Variants in ALPL observed in about 807,000 individuals in gnomAD.
The protein encoded by ALPL is alkaline phosphatase, tissue-nonspecific isozyme.
ALPL carries 42 observed loss-of-function variants against 51.3 expected under a neutral mutation model. That is an observed-to-expected ratio of 0.82 (90% CI 0.64 to 1.06). The LOEUF is 1.06. ALPL is among the 50% of genes least tolerant of loss of function. The pLI is 0.00. For synonymous variants in ALPL, 279 were observed against 296.4 expected (o/e 0.94, Z 0.60); for missense variants, 589 against 709.4 (o/e 0.83, Z 1.93).
At chr1:21,509,408 G>C (rs1241800305), upstream of ALPL, 2 of 151,454 alleles carry the variant, frequency 1.3e-5, no homozygotes, top group Admixed American at 1.3e-4. This position sits in a 1 kb window ranked among gnomAD's most constrained non-coding sequence, Gnocchi z 6.0. Flanking sequence ...TAAGGCGGCG[G>C]GGGTGGTGGC....
In ALPL at chr1:21,577,144, A is replaced by C. The variant is rs74343859; in HGVS notation, c.1310-239A>C. ...CCCGTCAACTCTCCCTGCTAATCCA[A>C]GCAGCCCAAATGAGGTTAATTTTCT... On this transcript the variant is annotated intron_variant, in intron 11 of 11. Coordinates refer to ENST00000374840, the MANE Select transcript of ALPL (RefSeq NM_000478.6). Among the ~76,000 whole-genome samples, 957 of 152,320 alleles carry C rather than the reference A, an allele frequency of 6.3e-3. 8 individuals carry two copies. Among genetic ancestry groups the C allele is most frequent in the African/African-American group, 0.022 (916 of 41,574 alleles).
rs538747858 is a variant in ALPL at position 21,525,005 on chromosome 1, G to A, written c.-105+15488G>A. On this transcript the variant is annotated intron_variant, in intron 1 of 11. Transcript: ENST00000374840. The stretch of plus-strand genomic sequence containing the variant: ...GGCCTCACTCCAGGGCTCTGGCCTC[G>A]AGCCTGACCCTCCTGAGTTTCTATC... Among the ~76,000 whole-genome samples, 16 of 152,340 alleles carry A rather than the reference G, an allele frequency of 1.1e-4. 1 individual carries two copies. The South Asian group carries it at 2.7e-3, about 26-fold the overall frequency.
rs575869039 is a variant in ALPL, at chr1:21,530,660, C to T, written c.-105+21143C>T. ...GGGGCTATATGCCTAGGTCAGAATT[C>T]TTCAGACTGGGGTCTGGAAAGGAAG... On this transcript the variant is annotated intron_variant, in intron 1 of 11. Coordinates refer to ENST00000374840, the MANE Select transcript of ALPL (RefSeq NM_000478.6). 2.0e-5 allele frequency among the ~76,000 whole-genome samples: 3 copies of T among 152,200 alleles called. No individual in the cohort carries two copies. In the South Asian group the frequency reaches 6.2e-4, roughly 32 times the overall value.
At chr1:21,570,570 G>A (rs1263202369) in intron 8 of ALPL, among the ~76,000 whole-genome samples, 196 bp downstream of exon 8, 1 of 152,222 alleles carries the variant, frequency 6.6e-6, no homozygotes, top group African/African-American at 2.4e-5. Flanking sequence ...TGGCTGTGCA[G>A]GGGGATTAGC....
At chr1:21,519,551 C>T (rs1003157966) in intron 1 of ALPL, among the ~76,000 whole-genome samples, 7 of 152,244 alleles carry the variant, frequency 4.6e-5, no homozygotes, top group African/African-American at 1.7e-4. Flanking sequence ...AATCCCAGCA[C>T]TTTGGGAGGC....
intron 7 of ALPL, 75 bp from the exon 8 acceptor site, chr1:21,570,228 ACT>A: frequency 6.9e-7 from 1 of 1,446,732 alleles, no homozygotes; most frequent in East Asian, 2.3e-5. Flanking sequence ...AAGGCCTCAG[ACT>A]CTGATAGCTG....
At chr1:21,525,555 G>A (rs1026990126) in intron 1 of ALPL, among the ~76,000 whole-genome samples, 1 of 152,240 alleles carries the variant, frequency 6.6e-6, no homozygotes. Flanking sequence ...GAGAGAGGAG[G>A]AAGCCAGTCA....
At chr1:21,568,344 G>C in intron 7 of ALPL, 97 bp downstream of exon 7, 1 of 1,549,798 alleles carries the variant, frequency 6.5e-7, no homozygotes, top group Non-Finnish European at 8.8e-7. Context: ...TCTGTAGAAA[G>C]GGCATCGGAA....
chr1:21,538,876 T>C (rs1377323722), intron 1 of ALPL, among the ~76,000 whole-genome samples: 2 of 152,222 alleles, frequency 1.3e-5, no homozygotes, highest in African/African-American at 4.8e-5. Context: ...GGACCCTAGA[T>C]GTGACATTCT....
intron 1 of ALPL, among the ~76,000 whole-genome samples, chr1:21,553,764 G>T (rs866843101): frequency 2.0e-5 from 3 of 152,224 alleles, no homozygotes; most frequent in Non-Finnish European, 4.4e-5. Flanking sequence ...TTGCAGCATG[G>T]AACTCATTGA....
At chr1:21,529,833 G>A (rs1321430840) in intron 1 of ALPL, among the ~76,000 whole-genome samples, 1 of 151,870 alleles carries the variant, frequency 6.6e-6, no homozygotes, top group Non-Finnish European at 1.5e-5. Context: ...GTGCAGTGGC[G>A]TGATCTCTGC....
intron 1 of ALPL, among the ~76,000 whole-genome samples, chr1:21,520,234 C>G (rs1042084408): frequency 2.0e-5 from 3 of 152,110 alleles, no homozygotes; most frequent in Non-Finnish European, 4.4e-5. Context: ...AAGTGATCTC[C>G]TGCCTCAGCC....
chr1:21,564,951 G>T lies in ALPL; in HGVS notation c.648+735G>T, dbSNP rs1163446188. The stretch of plus-strand genomic sequence containing the variant: ...TGGAGACAGAAGTCATCCATGTGAC[G>T]CTTACTCTCTGTTCTTAAGTGAGAA... On this transcript the variant is annotated intron_variant, in intron 6 of 11. Transcript: ENST00000374840. The surrounding 1 kb of genome is among the most constrained non-coding windows in gnomAD (Gnocchi z 5.8). Among the ~76,000 whole-genome samples the T allele has an allele frequency of 1.3e-5, 2 of 152,150 alleles. No homozygotes were observed. The highest frequency in any genetic ancestry group is 2.9e-5 in the Non-Finnish European group (2 of 68,036).
intron 1 of ALPL, among the ~76,000 whole-genome samples, chr1:21,515,829 C>T (rs1558524787): frequency 7.8e-6 from 1 of 128,164 alleles, no homozygotes; most frequent in African/African-American, 2.6e-5. Flanking sequence ...GTGTCTCAGG[C>T]TTGTTGTTTT....
At chr1:21,563,422 A>G (rs1570274784) in intron 5 of ALPL, 138 bp downstream of exon 5, 4 of 1,151,120 alleles carry the variant, frequency 3.5e-6, no homozygotes, top group Non-Finnish European at 4.8e-6. Context: ...GGAGTCTGTA[A>G]TATCCATGGG....
Position 21,554,020 on chromosome 1 carries a change from C to CCAA in ALPL, c.-61_-60insAAC. On this transcript the variant is annotated 5_prime_UTR_variant, in exon 2 of 12. Coordinates refer to ENST00000374840, the MANE Select transcript of ALPL (RefSeq NM_000478.6). ...ACATCTGACCACTGCCAGCCCACCC[C>CCAA]CTCCCACCCACGTCGATTGCATCTC... is the stretch of plus-strand genomic sequence containing the variant. 1 of 1,053,210 alleles carries CCAA rather than the reference C, an allele frequency of 9.5e-7. No individual in the cohort carries two copies. The highest frequency in any genetic ancestry group is 1.5e-6 in the Non-Finnish European group (1 of 678,698). 65.2% of individuals were successfully genotyped at this position (1,053,210 alleles called of 1,614,324 possible).
At chr1:21,568,373 C>T (rs1393892378) in intron 7 of ALPL, 126 bp downstream of exon 7, 30 of 1,302,952 alleles carry the variant, frequency 2.3e-5, no homozygotes, top group Non-Finnish European at 3.2e-5. Context: ...TCCATGGGCT[C>T]AAATGGCCTA....
Position 21,573,807 on chromosome 1 carries a change from C to A in ALPL, c.997+8C>A, listed in dbSNP as rs1405502053. 1.2e-6 allele frequency: 2 copies of A among 1,614,110 alleles called. No individual in the cohort carries two copies. The highest frequency in any genetic ancestry group is 1.1e-5 in the South Asian group (1 of 91,058). Reference sequence around the variant, plus strand: ...TCTTCTTGCTGGTGGAAGGTAGGGACCCCGGGTCTGCTGAGAGGGGGCTGC... The same window carrying A: ...TCTTCTTGCTGGTGGAAGGTAGGGAACCCGGGTCTGCTGAGAGGGGGCTGC... On this transcript the variant is annotated splice_region_variant and intron_variant, in intron 9 of 11. Coordinates refer to ENST00000374840, the MANE Select transcript of ALPL (RefSeq NM_000478.6).
intron 2 of ALPL, among the ~76,000 whole-genome samples, chr1:21,559,301 A>C (rs1644453970): frequency 6.6e-6 from 1 of 152,184 alleles, no homozygotes; most frequent in East Asian, 1.9e-4. Context: ...GAGGGACTCC[A>C]GCTCCCATAG....
Sources: allele counts gnomAD v4.1 joint callset (sites outside exome capture counted in the v4.1 genomes callset), GRCh38; gene constraint gnomAD v4.1.1; non-coding constraint Gnocchi (gnomAD v3.1); transcripts MANE v1.5; gene names NCBI Gene and HGNC (gene_info 2026-07-23, HGNC 2026-07-21).